The following ERLIN1 variants were observed in gnomAD, a reference collection of about 807,000 sequenced individuals.
ERLIN1 encodes the protein ER lipid raft associated 1.
In ERLIN1, 24 loss-of-function variants were observed where a neutral mutation model predicts 46.9. The ratio of observed to expected loss-of-function variants is 0.51; its 90% confidence interval spans 0.37 to 0.72. The LOEUF (loss-of-function observed/expected upper bound fraction) is 0.72. ERLIN1 is among the 30% of genes least tolerant of loss of function. The probability of loss-of-function intolerance (pLI) is 0.00; values close to 1 mark genes in which losing one functional copy is unlikely to be tolerated. For missense variants in ERLIN1, 293 were observed against 417.9 expected, an observed-to-expected ratio of 0.70 and a Z score of 2.61; for synonymous variants, 158 against 143.2, an observed-to-expected ratio of 1.10 and a Z score of -0.74.
At chr10:100,179,355 A>G in intron 2 of ERLIN1, 108 bp from the exon 3 acceptor site, 2 of 645,872 alleles carry the variant, frequency 3.1e-6, no homozygotes, top group Non-Finnish European at 5.5e-6. Context: ...TACAGCAGAG[A>G]TCCATCACAA....
At chr10:100,184,764 G>A (rs773336908) in intron 1 of ERLIN1, among the ~76,000 whole-genome samples, 11 of 152,088 alleles carry the variant, frequency 7.2e-5, no homozygotes, top group Non-Finnish European at 1.5e-4. Context: ...TCTTTTTCTA[G>A]GATTCAGGAT....
intron 3 of ERLIN1, among the ~76,000 whole-genome samples, chr10:100,178,832 T>C (rs975191063): frequency 6.6e-6 from 1 of 152,190 alleles, no homozygotes; most frequent in Non-Finnish European, 1.5e-5. Context: ...TAAAGGAATG[T>C]GTTGGGGAAA....
At position 100,185,849 on chromosome 10, in the gene ERLIN1, T is replaced by C. The variant is rs915987975; in HGVS notation, c.-223A>G. The C allele has an allele frequency of 1.8e-6, 1 of 568,990 alleles. No individual in the cohort carries two copies. Among genetic ancestry groups the C allele is most frequent in the Non-Finnish European group, 3.1e-6 (1 of 318,980 alleles). The allele number at this position is 568,990 out of a possible 1,614,324, so 35.2% of individuals were successfully genotyped here. A position where few individuals can be genotyped will look rare whatever the true frequency, so the allele number is the denominator to read the frequency against. ...AGGCCAGTGGGCCGCCCCTGCTCGG[T>C]GAGCTTCCTGAAACTCCCTCTCCCA... On this transcript the variant is annotated 5_prime_UTR_variant, in exon 1 of 11. Transcript: ENST00000421367.
chr10:100,156,003 A>T, intron 9 of ERLIN1, 142 bp downstream of exon 9: 1 of 533,332 alleles, frequency 1.9e-6, no homozygotes, highest in East Asian at 3.0e-5. Context: ...AAATTTATTT[A>T]GACTATCAGG....
intron 2 of ERLIN1, among the ~76,000 whole-genome samples, chr10:100,182,272 C>T (rs1023154249): frequency 2.0e-5 from 3 of 150,904 alleles, no homozygotes; most frequent in Non-Finnish European, 3.0e-5. Flanking sequence ...TCAAGTGATC[C>T]ACCTGCTTCA....
In ERLIN1 at chr10:100,175,925, A is replaced by G. The variant is rs371684308; in HGVS notation, c.430+20T>C. 2.9e-5 allele frequency: 46 copies of G among 1,609,578 alleles called. No homozygotes were observed. The East Asian group carries it at 4.9e-4, about 17-fold the overall frequency. On this transcript the variant is annotated intron_variant, in intron 5 of 10. Coordinates refer to ENST00000421367, the MANE Select transcript of ERLIN1 (RefSeq NM_006459.4). ...GATTTCCAATTGGCTATTTACATAC[A>G]TAAGAATTAAGACACTTACCAAACA...
chr10:100,178,082 A>G (rs1418009331), intron 4 of ERLIN1, 51 bp downstream of exon 4: 17 of 1,141,228 alleles, frequency 1.5e-5, no homozygotes, highest in Middle Eastern at 1.9e-4. Context: ...TCTCTCAGCT[A>G]TAAATCCTCT....
intron 3 of ERLIN1, 73 bp from the exon 4 acceptor site, chr10:100,178,267 G>A (rs1381353036): frequency 3.3e-6 from 3 of 919,482 alleles, no homozygotes; most frequent in Admixed American, 2.3e-5. Flanking sequence ...GACCTGGGGA[G>A]AAGCTGATAA....
At position 100,152,236 on chromosome 10, in the gene ERLIN1, C is replaced by T. The variant is rs773362257; in HGVS notation, c.942G>A (p.Leu314=). The T allele has an allele frequency of 6.2e-7, 1 of 1,612,748 alleles. No individual in the cohort carries two copies. Among genetic ancestry groups the T allele is most frequent in the Non-Finnish European group, 8.5e-7 (1 of 1,178,720 alleles). The change falls in exon 11 of 11, where the codon TTG becomes TTA. Residue 314 remains leucine (L), a synonymous_variant. Transcript: ENST00000421367. ...TTCCAGTCCTAATATCTGAATATTT[C>T]AAAGCACATGAGGAGTCCACGAACA... is the stretch of plus-strand genomic sequence containing the variant. ...PNMFVDSSCA[L]KYSDIRTGRE...
intron 10 of ERLIN1, among the ~76,000 whole-genome samples, chr10:100,153,078 C>A (rs984169086): frequency 6.6e-6 from 1 of 152,216 alleles, no homozygotes; most frequent in Non-Finnish European, 1.5e-5. Flanking sequence ...AAAGGAAGGG[C>A]TGGTGCTCAT....
intron 6 of ERLIN1, among the ~76,000 whole-genome samples, chr10:100,169,288 GA>G (rs1843848710): frequency 6.6e-6 from 1 of 151,922 alleles, no homozygotes; most frequent in Non-Finnish European, 1.5e-5. Flanking sequence ...CACATACATA[GA>G]GTGAATGGAG....
At chr10:100,170,781 T>A (rs978779364) in intron 6 of ERLIN1, among the ~76,000 whole-genome samples, 1 of 152,068 alleles carries the variant, frequency 6.6e-6, no homozygotes, top group African/African-American at 2.4e-5. Flanking sequence ...ACTGACAAGA[T>A]GAAAAACACA....
intron 1 of ERLIN1, among the ~76,000 whole-genome samples, chr10:100,184,552 A>G (rs1400197150): frequency 4.6e-5 from 7 of 152,246 alleles, no homozygotes; most frequent in Non-Finnish European, 7.3e-5. Context: ...TCTTGAAAAT[A>G]TAAACACATT....
At chr10:100,175,067 G>T (rs1844212714) in intron 5 of ERLIN1, among the ~76,000 whole-genome samples, 1 of 152,134 alleles carries the variant, frequency 6.6e-6, no homozygotes, top group African/African-American at 2.4e-5. Flanking sequence ...AATTTCAGGA[G>T]GGAAAAGTGA....
At chr10:100,154,582 C>T (rs921541247) in intron 10 of ERLIN1, among the ~76,000 whole-genome samples, 2 of 152,258 alleles carry the variant, frequency 1.3e-5, no homozygotes, top group South Asian at 4.1e-4. Context: ...TCTAAATAGA[C>T]TTTACTCTTC....
In ERLIN1 at chr10:100,179,362, A is replaced by G. The variant is rs924784159; in HGVS notation, c.196-115T>C. On this transcript the variant is annotated intron_variant, in intron 2 of 10. Transcript: ENST00000421367. Reference sequence around the variant, plus strand: ...ACAGTAAGTACAGCAGAGATCCATCACAATTTCAGTTCCCAAAGATTAGCT... The same window carrying G: ...ACAGTAAGTACAGCAGAGATCCATCGCAATTTCAGTTCCCAAAGATTAGCT... 87 of 625,416 alleles carry G rather than the reference A, an allele frequency of 1.4e-4. 1 individual carries two copies. Among genetic ancestry groups the G allele is most frequent in the Non-Finnish European group, 2.8e-5 (10 of 351,058 alleles). The allele number at this position is 625,416 out of a possible 1,614,324, so 38.7% of individuals were successfully genotyped here.
intron 8 of ERLIN1, among the ~76,000 whole-genome samples, chr10:100,161,305 T>G (rs1460865188): frequency 6.6e-6 from 1 of 152,112 alleles, no homozygotes; most frequent in Non-Finnish European, 1.5e-5. Flanking sequence ...AACAGCATAC[T>G]TATACAAAAC....
At chr10:100,165,260 T>G (rs1381069469) in intron 7 of ERLIN1, among the ~76,000 whole-genome samples, 2 of 152,206 alleles carry the variant, frequency 1.3e-5, no homozygotes, top group African/African-American at 2.4e-5. Flanking sequence ...CCCAAAACAC[T>G]TCCCCTCAAA....
intron 6 of ERLIN1, 54 bp from the exon 7 acceptor site, chr10:100,167,460 T>G (rs1037635784): frequency 4.2e-6 from 6 of 1,425,176 alleles, no homozygotes; most frequent in Non-Finnish European, 5.9e-6. Flanking sequence ...AATCTTCAAA[T>G]TAAATCTTCT....
Sources: gnomAD v4.1 joint callset for allele counts (sites outside exome capture counted in the v4.1 genomes callset) on GRCh38, gnomAD v4.1.1 for gene constraint, MANE v1.5 for transcripts, NCBI Gene and HGNC (gene_info 2026-07-23, HGNC 2026-07-21) for gene names.